PAK3: variants seen among roughly 807,000 people sequenced by gnomAD.
PAK3 encodes the protein serine/threonine-protein kinase PAK 3.
Under a neutral mutation model 41.0 loss-of-function variants are expected in PAK3, and 4 were observed. The observed-to-expected ratio is 0.10, with a 90% CI of 0.05 to 0.22. The LOEUF is 0.22. Among genes scored for constraint, PAK3 ranks in the 10% least tolerant of loss-of-function variants. The pLI is 1.00. For missense variants in PAK3, 205 were observed against 409.9 expected, an observed-to-expected ratio of 0.50 and a Z score of 4.32; for synonymous variants, 146 against 139.6, an observed-to-expected ratio of 1.05 and a Z score of -0.32.
At chrX:110,946,080 G>A (rs978924971) in intron 1 of PAK3, among the ~76,000 whole-genome samples, 10 of 111,625 alleles carry the variant, frequency 9.0e-5, no homozygotes, top group African/African-American at 3.3e-4. Flanking sequence ...GGGGCAGGCA[G>A]GGTATTGTGG....
chrX:111,213,345 T>G (rs1055216530), intron 16 of PAK3, among the ~76,000 whole-genome samples: 1 of 112,273 alleles, frequency 8.9e-6, no homozygotes, highest in African/African-American at 3.2e-5. Context: ...CTTGATGTAC[T>G]ATTTCACTAG....
intron 7 of PAK3, among the ~76,000 whole-genome samples, chrX:111,152,192 T>A (rs2094038330): frequency 8.9e-6 from 1 of 112,235 alleles, no homozygotes; most frequent in Non-Finnish European, 1.9e-5. Context: ...TTCATTAATA[T>A]CTGCAAAATG....
chrX:111,063,134 G>T (rs891824552), intron 1 of PAK3, among the ~76,000 whole-genome samples: 5 of 112,323 alleles, frequency 4.5e-5, no homozygotes, highest in African/African-American at 1.6e-4. Flanking sequence ...GAAACAAAGT[G>T]TTCCTTAGTC....
chrX:111,199,949 G>A (rs2094661228), intron 16 of PAK3, among the ~76,000 whole-genome samples: 1 of 111,885 alleles, frequency 8.9e-6, no homozygotes, highest in Non-Finnish European at 1.9e-5. Context: ...TAGCCCAACA[G>A]TGAGCTATTA....
rs1479457540 is a variant in PAK3, at chrX:111,178,958, T to TA, written c.830+5877_830+5878insA. On this transcript the variant is annotated intron_variant, in intron 11 of 17. Coordinates refer to ENST00000372007, the MANE Select transcript of PAK3 (RefSeq NM_002578.5). Reference sequence around the variant, plus strand: ...TGATGCACCTGCATACATAAACTGTTTTATATATATATATATATATATAGA... The same window carrying TA: ...TGATGCACCTGCATACATAAACTGTTATTATATATATATATATATATATAGA... 1.9e-4 allele frequency among the ~76,000 whole-genome samples: 17 copies of TA among 89,853 alleles called. 1 individual carries two copies. The highest frequency in any genetic ancestry group is 1.1e-3 in the African/African-American group (17 of 15,596). The allele number at this position is 89,853 out of a possible 115,157, so 78.0% of individuals were successfully genotyped here.
At chrX:111,106,942 A>G (rs1190353164) in intron 4 of PAK3, among the ~76,000 whole-genome samples, 1 of 111,688 alleles carries the variant, frequency 9.0e-6, no homozygotes, top group Non-Finnish European at 1.9e-5. Context: ...CTTTCCACAT[A>G]CTTTTTCTTT....
At chrX:111,055,417 G>A (rs775971677) in intron 1 of PAK3, among the ~76,000 whole-genome samples, 12 of 112,351 alleles carry the variant, frequency 1.1e-4, no homozygotes, top group East Asian at 2.8e-4. Context: ...CTATGACCCC[G>A]TAAGAGTCCA....
chrX:111,009,135 T>C (rs752757529), intron 1 of PAK3, among the ~76,000 whole-genome samples: 31 of 111,502 alleles, frequency 2.8e-4, no homozygotes, highest in African/African-American at 7.5e-4. Context: ...CTCTTCTGAA[T>C]TGATTACCCC....
rs1343199207 is a variant in PAK3 at position 111,223,384 on chromosome X, A to G, written c.*2937A>G. The G allele has an allele frequency of 2.8e-5, 3 of 107,819 alleles. No individual in the cohort carries two copies. The highest frequency in any genetic ancestry group is 5.7e-4 in the East Asian group (2 of 3,486). The allele number at this position is 107,819 out of a possible 1,213,427, so 8.9% of individuals were successfully genotyped here. On this transcript the variant is annotated 3_prime_UTR_variant, in exon 18 of 18. Coordinates refer to ENST00000372007, the MANE Select transcript of PAK3 (RefSeq NM_002578.5). The stretch of plus-strand genomic sequence containing the variant: ...ATAATCCCATGAGGATTTTCAGATG[A>G]CACAATCCCCTCAAATCAGTCACCA...
intron 5 of PAK3, among the ~76,000 whole-genome samples, chrX:111,140,713 G>A (rs559499406): frequency 1.8e-5 from 2 of 111,448 alleles, no homozygotes; most frequent in African/African-American, 6.5e-5. Flanking sequence ...GGTGACTCTT[G>A]TTCCCCTGCT....
At chrX:111,074,167 T>A (rs775998697) in intron 1 of PAK3, among the ~76,000 whole-genome samples, 1 of 111,930 alleles carries the variant, frequency 8.9e-6, no homozygotes, top group Non-Finnish European at 1.9e-5. Flanking sequence ...TCTTTCATTA[T>A]AAAAACTCTA....
intron 16 of PAK3, among the ~76,000 whole-genome samples, chrX:111,205,371 C>T (rs2094734626): frequency 9.0e-6 from 1 of 110,793 alleles, no homozygotes; most frequent in Admixed American, 9.7e-5. Context: ...ATTCTGTGTC[C>T]TTTAGCTGTA....
chrX:110,956,062 G>A (rs779398239), intron 1 of PAK3, among the ~76,000 whole-genome samples: 1 of 112,041 alleles, frequency 8.9e-6, no homozygotes, highest in Non-Finnish European at 1.9e-5. Flanking sequence ...ACCTCACAGA[G>A]TTGTGGTGAG....
chrX:111,056,862 T>A (rs906237086), intron 1 of PAK3, among the ~76,000 whole-genome samples: 2 of 111,394 alleles, frequency 1.8e-5, no homozygotes, highest in Admixed American at 1.9e-4. Context: ...TTTTCTAGAG[T>A]AGATACTAAG....
chrX:110,993,694 A>G (rs2091690615), intron 1 of PAK3, among the ~76,000 whole-genome samples: 1 of 112,239 alleles, frequency 8.9e-6, no homozygotes, highest in Non-Finnish European at 1.9e-5. Context: ...AATGCAAAAG[A>G]TAGCATGGAT....
chrX:111,047,268 T>C (rs1019464479), intron 1 of PAK3, among the ~76,000 whole-genome samples: 3 of 111,034 alleles, frequency 2.7e-5, no homozygotes, highest in African/African-American at 9.8e-5. Context: ...CCTTAGAGAG[T>C]TGATCATTTA....
intron 1 of PAK3, among the ~76,000 whole-genome samples, chrX:110,960,934 C>T (rs781317871): frequency 2.5e-4 from 28 of 111,711 alleles, no homozygotes; most frequent in Non-Finnish European, 4.0e-4. Context: ...TCCCTCCTGG[C>T]TTCCCTCTTT....
intron 1 of PAK3, among the ~76,000 whole-genome samples, chrX:111,047,232 AAAG>A (rs2092508103): frequency 8.9e-6 from 1 of 111,949 alleles, no homozygotes; most frequent in Non-Finnish European, 1.9e-5. Flanking sequence ...TGTGAGATAA[AAAG>A]AAGACTAAGA....
chrX:111,122,255 G>GAAAAAAAA (rs747134804), intron 4 of PAK3, among the ~76,000 whole-genome samples: 6 of 23,268 alleles, frequency 2.6e-4, no homozygotes, highest in Non-Finnish European at 4.9e-4. Context: ...GACTCCATCT[G>GAAAAAAAA]AAAAAAAAAA....
Sources: gnomAD v4.1 joint callset for allele counts (sites outside exome capture counted in the v4.1 genomes callset) on GRCh38, gnomAD v4.1.1 for gene constraint, MANE v1.5 for transcripts, NCBI Gene and HGNC (gene_info 2026-07-23, HGNC 2026-07-21) for gene names.